The following KIAA0825 variants were observed in gnomAD, a reference collection of about 807,000 sequenced individuals.
The protein encoded by KIAA0825 is KIAA0825.
A neutral mutation model predicts 147.6 loss-of-function variants in KIAA0825; 119 were observed. That is an observed-to-expected ratio of 0.81 (90% CI 0.69 to 0.94). The LOEUF is 0.94. Ranked by LOEUF, KIAA0825 falls within the 40% of genes least tolerant of loss-of-function variation. The pLI is 0.00. For synonymous variants in KIAA0825, 470 were observed against 518.1 expected (o/e 0.91, Z 1.26); for missense variants, 1,381 against 1,472.7 (o/e 0.94, Z 1.02).
At chr5:94,214,086 C>T (rs578082066) in intron 20 of KIAA0825, among the ~76,000 whole-genome samples, 3 of 152,040 alleles carry the variant, frequency 2.0e-5, no homozygotes, top group African/African-American at 2.4e-5. Context: ...AAACTCCTGG[C>T]GTCAAGGGAT....
At chr5:94,599,331 G>GTTT (rs57220290) in intron 1 of KIAA0825, among the ~76,000 whole-genome samples, 1,436 of 98,322 alleles carry the variant, frequency 0.015, 45 homozygotes, top group Middle Eastern at 0.023. Flanking sequence ...GATTATTTGG[G>GTTT]TTTTTTTTTT....
chr5:94,265,294 G>T (rs1182883366), intron 20 of KIAA0825, among the ~76,000 whole-genome samples: 1 of 152,174 alleles, frequency 6.6e-6, no homozygotes, highest in African/African-American at 2.4e-5. Context: ...TCAGAGTGAG[G>T]TTTGTGGACT....
At position 94,515,562 on chromosome 5, in the gene KIAA0825, C is replaced by T. The variant is rs1346330257; in HGVS notation, c.970+4686G>A. ...ATCCCAGCACTTTGGGAGGCCAAGGCGGGTGGATCACCTGAGGTAAGGAGT... is the reference window on the plus strand; with the variant it reads ...ATCCCAGCACTTTGGGAGGCCAAGGTGGGTGGATCACCTGAGGTAAGGAGT... On this transcript the variant is annotated intron_variant, in intron 5 of 20. Coordinates refer to ENST00000682413, the MANE Select transcript of KIAA0825 (RefSeq NM_001145678.3). Among the ~76,000 whole-genome samples, 6 of 152,192 alleles carry T rather than the reference C, an allele frequency of 3.9e-5. No individual in the cohort carries two copies. In the East Asian group the frequency reaches 9.6e-4, roughly 24 times the overall value.
intron 2 of KIAA0825, among the ~76,000 whole-genome samples, chr5:94,546,676 G>C (rs556446158): frequency 6.6e-6 from 1 of 151,762 alleles, no homozygotes; most frequent in East Asian, 1.9e-4. Flanking sequence ...AGTGTAACTG[G>C]GCATGGGGCC....
At chr5:94,590,241 C>T (rs1042502394) in intron 1 of KIAA0825, among the ~76,000 whole-genome samples, 5 of 152,076 alleles carry the variant, frequency 3.3e-5, no homozygotes, top group East Asian at 1.9e-4. Context: ...GTGATCTGTC[C>T]GCGTCAGCCT....
intron 16 of KIAA0825, 64 bp from the exon 17 acceptor site, chr5:94,396,573 G>A: frequency 7.4e-7 from 1 of 1,342,472 alleles, no homozygotes; most frequent in African/African-American, 1.5e-5. Context: ...GCATGGTTTT[G>A]TGTTGTATAA....
At chr5:94,558,170 G>A (rs149530631) in intron 2 of KIAA0825, among the ~76,000 whole-genome samples, 3 of 152,248 alleles carry the variant, frequency 2.0e-5, no homozygotes, top group African/African-American at 7.2e-5. Flanking sequence ...CTTGGAATCC[G>A]TGAAGCTGAG....
intron 20 of KIAA0825, among the ~76,000 whole-genome samples, chr5:94,207,014 G>C (rs1262646271): frequency 6.6e-6 from 1 of 152,074 alleles, no homozygotes; most frequent in Non-Finnish European, 1.5e-5. Flanking sequence ...TATTTATTTT[G>C]AAATGATTTT....
rs143568336 is a variant in KIAA0825 at position 94,241,279 on chromosome 5, G to T, written c.3711-87155C>A. Among the ~76,000 whole-genome samples the T allele has an allele frequency of 1.2e-3, 183 of 152,270 alleles. 2 individuals carry two copies. In the Middle Eastern group the frequency reaches 0.037, roughly 31 times the overall value. ...ACAAAAATTTCAGCCACAGACTGAAGCAAGTTTTAGGTTCCTGGCCAAAAA... is the reference window on the plus strand; with the variant it reads ...ACAAAAATTTCAGCCACAGACTGAATCAAGTTTTAGGTTCCTGGCCAAAAA... On this transcript the variant is annotated intron_variant, in intron 20 of 20. Coordinates refer to ENST00000682413, the MANE Select transcript of KIAA0825 (RefSeq NM_001145678.3).
chr5:94,347,164 G>T (rs1783094927), intron 20 of KIAA0825, among the ~76,000 whole-genome samples: 1 of 152,140 alleles, frequency 6.6e-6, no homozygotes, highest in African/African-American at 2.4e-5. Context: ...ACCCACCTAA[G>T]AAGAGTCTCA....
At chr5:94,412,113 A>G (rs958940396) in intron 15 of KIAA0825, among the ~76,000 whole-genome samples, 11 of 152,212 alleles carry the variant, frequency 7.2e-5, no homozygotes, top group African/African-American at 2.4e-4. Context: ...AACCCTTTAC[A>G]ACTCAGTAAG....
chr5:94,608,824 C>T (rs2152434223), intron 1 of KIAA0825, among the ~76,000 whole-genome samples: 1 of 151,874 alleles, frequency 6.6e-6, no homozygotes, highest in Admixed American at 6.6e-5. Flanking sequence ...TTTTCCAATA[C>T]TACAAGAGTC....
intron 20 of KIAA0825, among the ~76,000 whole-genome samples, chr5:94,183,518 CT>C (rs894438158): frequency 1.3e-5 from 2 of 152,138 alleles, no homozygotes; most frequent in African/African-American, 2.4e-5. Context: ...TAGGATGGGG[CT>C]GGTTCTCAGA....
At chr5:94,155,513 A>G (rs547624727) in intron 20 of KIAA0825, among the ~76,000 whole-genome samples, 67 of 152,130 alleles carry the variant, frequency 4.4e-4, no homozygotes, top group Non-Finnish European at 3.4e-4. Context: ...AGCCACTAGT[A>G]TGATATCTGT....
At chr5:94,385,268 G>A (rs141146523) in intron 19 of KIAA0825, among the ~76,000 whole-genome samples, 120 of 152,286 alleles carry the variant, frequency 7.9e-4, no homozygotes, top group Middle Eastern at 3.4e-3. Context: ...CCAGACTGAC[G>A]TTTAAAATCC....
At chr5:94,499,821 T>C (rs1379882131) in intron 5 of KIAA0825, among the ~76,000 whole-genome samples, 1 of 152,304 alleles carries the variant, frequency 6.6e-6, no homozygotes, top group East Asian at 1.9e-4. Flanking sequence ...AAATAAATAA[T>C]TCTTGTCCTT....
chr5:94,471,769 T>C, intron 8 of KIAA0825, 38 bp from the exon 9 acceptor site: 2 of 1,542,970 alleles, frequency 1.3e-6, no homozygotes, highest in Non-Finnish European at 1.8e-6. Context: ...TTATTTGTAT[T>C]CTGACAGCAC....
At chr5:94,457,170 A>G (rs1316276858) in intron 12 of KIAA0825, among the ~76,000 whole-genome samples, 2 of 152,214 alleles carry the variant, frequency 1.3e-5, no homozygotes, top group Non-Finnish European at 2.9e-5. Flanking sequence ...TCTAGAGAGT[A>G]TAACAGGGTG....
At chr5:94,312,343 C>T (rs1265008328) in intron 20 of KIAA0825, among the ~76,000 whole-genome samples, 1 of 151,198 alleles carries the variant, frequency 6.6e-6, no homozygotes, top group Non-Finnish European at 1.5e-5. Flanking sequence ...TATGAAATTC[C>T]CAAGTATGAG....
Sources: allele counts gnomAD v4.1 joint callset (sites outside exome capture counted in the v4.1 genomes callset), GRCh38; gene constraint gnomAD v4.1.1; transcripts MANE v1.5; gene names NCBI Gene and HGNC (gene_info 2026-07-23, HGNC 2026-07-21).